Variants in MYOM1 observed in about 807,000 individuals in gnomAD.
The protein encoded by MYOM1 is myomesin-1.
Under a neutral mutation model 205.3 loss-of-function variants are expected in MYOM1, and 164 were observed. That is an observed-to-expected ratio of 0.80 (90% CI 0.70 to 0.91). The LOEUF (loss-of-function observed/expected upper bound fraction) is 0.91. MYOM1 is among the 40% of genes least tolerant of loss of function. The pLI, the probability that MYOM1 is intolerant of heterozygous loss-of-function variation, is 0.00. For synonymous variants in MYOM1, 772 were observed against 789.4 expected, an observed-to-expected ratio of 0.98 and a Z score of 0.37; for missense variants, 2,011 against 2,127.3, an observed-to-expected ratio of 0.95 and a Z score of 1.08.
intron 36 of MYOM1, 67 bp downstream of exon 36, chr18:3,075,387 A>T (rs2079009493): frequency 2.0e-6 from 3 of 1,484,506 alleles, no homozygotes; most frequent in Non-Finnish European, 1.9e-6. Flanking sequence ...TTATAATAGC[A>T]AAATAAAATT....
intron 11 of MYOM1, among the ~76,000 whole-genome samples, chr18:3,154,488 A>G (rs1374071797): frequency 6.6e-6 from 1 of 151,870 alleles, no homozygotes; most frequent in African/African-American, 2.4e-5. Context: ...AGTTCCAAAG[A>G]TGAATTTTGT....
chr18:3,072,370 T>TTTTTTTTTTTTTTG (rs768555182), intron 36 of MYOM1, among the ~76,000 whole-genome samples: 5,177 of 115,522 alleles, frequency 0.045, 662 homozygotes, highest in Non-Finnish European at 0.064. Context: ...TTTTTTTTTT[T>TTTTTTTTTTTTTTG]TGAGGCAGAG....
chr18:3,079,340 C>T lies in MYOM1; in HGVS notation c.4487G>A (p.Gly1496Glu). 1.2e-6 allele frequency: 2 copies of T among 1,603,582 alleles called. No individual in the cohort carries two copies. Among genetic ancestry groups the T allele is most frequent in the Non-Finnish European group, 1.7e-6 (2 of 1,173,008 alleles). Reference protein sequence around the residue: ...EDLKVNWSHNGSAIRYSDRVK... With the variant: ...EDLKVNWSHNESAIRYSDRVK... ...TCTGTCTGAGTACCTAATGGCGGAC[C>T]CACTGTGAAAATCGAAGAAAACTTC... Residue 1496 changes from glycine to glutamate, a missense_variant and splice_region_variant, in exon 34 of 38, where the codon GGG (glycine) becomes GAG (glutamate). Coordinates refer to ENST00000356443, the MANE Select transcript of MYOM1 (RefSeq NM_003803.4).
chr18:3,240,243 G>A, the MYOM1 span, among the ~76,000 whole-genome samples: 6 of 152,074 alleles, frequency 3.9e-5, no homozygotes, highest in South Asian at 2.1e-4. Flanking sequence ...AGGAATCTTT[G>A]TCTTTTAACA....
chr18:3,149,396 T>A (rs2080184464), intron 12 of MYOM1, among the ~76,000 whole-genome samples, 195 bp from the exon 13 acceptor site: 1 of 152,158 alleles, frequency 6.6e-6, no homozygotes, highest in Admixed American at 6.5e-5. Context: ...AAGGGACTCA[T>A]AATCTGCTGG....
At chr18:3,107,188 G>A (rs2079462677) in intron 22 of MYOM1, among the ~76,000 whole-genome samples, 2 of 152,148 alleles carry the variant, frequency 1.3e-5, no homozygotes, top group Admixed American at 6.5e-5. Flanking sequence ...CACGATCTCG[G>A]CTCACTGCAA....
intron 2 of MYOM1, among the ~76,000 whole-genome samples, chr18:3,206,971 T>C (rs2081131027): frequency 6.6e-6 from 1 of 152,132 alleles, no homozygotes; most frequent in Non-Finnish European, 1.5e-5. Flanking sequence ...TCTCTTCATT[T>C]TACTCTTAGC....
intron 10 of MYOM1, among the ~76,000 whole-genome samples, chr18:3,156,998 G>A (rs575516804): frequency 2.6e-5 from 4 of 152,308 alleles, no homozygotes; most frequent in African/African-American, 9.6e-5. Flanking sequence ...TGCAGAGGAG[G>A]TGGGGATGCT....
chr18:3,095,439 G>T (rs753646665), intron 25 of MYOM1, among the ~76,000 whole-genome samples: 2 of 152,080 alleles, frequency 1.3e-5, no homozygotes, highest in African/African-American at 2.4e-5. Context: ...CGTGGTGGTG[G>T]GCGCCTATAT....
In MYOM1 at chr18:3,188,946, C is replaced by T. The variant is rs199937869; in HGVS notation, c.573G>A (p.Thr191=). The change falls in exon 4 of 38, where the codon ACG becomes ACA. Residue 191 remains threonine (T), a synonymous_variant. Coordinates refer to ENST00000356443, the MANE Select transcript of MYOM1 (RefSeq NM_003803.4). ...TGGATGCCGTGGACTGCTTAGATGC[C>T]GTGGTCTGCTTGGATGCCGTGGACT... ...SKQSTASKQT[T]ASKQSTASKQ... is the part of the protein sequence containing the mutation. The T allele has an allele frequency of 2.2e-5, 35 of 1,600,188 alleles. No homozygotes were observed. The highest frequency in any genetic ancestry group is 1.1e-4 in the African/African-American group (8 of 73,884).
At chr18:3,204,562 G>T in intron 2 of MYOM1, among the ~76,000 whole-genome samples, 1 of 151,876 alleles carries the variant, frequency 6.6e-6, no homozygotes, top group East Asian at 1.9e-4. Context: ...ACATTATTAT[G>T]AGAAGTGAAA....
At chr18:3,091,187 G>A (rs970015069) in intron 26 of MYOM1, among the ~76,000 whole-genome samples, 21 of 151,944 alleles carry the variant, frequency 1.4e-4, no homozygotes, top group African/African-American at 4.6e-4. Context: ...GTGGTGGGAT[G>A]CGCCTGTAAT....
intron 30 of MYOM1, among the ~76,000 whole-genome samples, chr18:3,085,511 A>G (rs2079143318): frequency 6.6e-6 from 1 of 152,118 alleles, no homozygotes; most frequent in Non-Finnish European, 1.5e-5. Flanking sequence ...TCACAGATGC[A>G]GAGATGCACC....
At chr18:3,068,324 C>T (rs920643664) in intron 37 of MYOM1, among the ~76,000 whole-genome samples, 1 of 151,714 alleles carries the variant, frequency 6.6e-6, no homozygotes, top group African/African-American at 2.4e-5. Flanking sequence ...GTCTACCCAG[C>T]TTCCCAGTGG....
Position 3,126,822 on chromosome 18 carries a change from G to A in MYOM1, c.2870C>T (p.Pro957Leu). 1 of 1,613,606 alleles carries A rather than the reference G, an allele frequency of 6.2e-7. No homozygotes were observed. Among genetic ancestry groups the A allele is most frequent in the Non-Finnish European group, 8.5e-7 (1 of 1,179,746 alleles). Residue 957 changes from proline (P) to leucine (L), a missense_variant, in exon 19 of 38, where the codon CCA (proline) becomes CTA (leucine). By Grantham distance (98) the Pro-to-Leu change is moderately conservative. Coordinates refer to ENST00000356443, the MANE Select transcript of MYOM1 (RefSeq NM_003803.4). ...RDSMVLGWKQPDKIGGAEITG... is the reference protein window; with the variant it reads ...RDSMVLGWKQLDKIGGAEITG... ...AATTTCTGCCCCTCCAATCTTATCT[G>A]GTTGCTTCCATCCAAGAACCATTGA...
chr18:3,183,884 CAGTGAA>C (rs1249607610), intron 5 of MYOM1, among the ~76,000 whole-genome samples: 12 of 151,662 alleles, frequency 7.9e-5, no homozygotes. Context: ...ATTAGCACTC[CAGTGAA>C]TCATTTTTCG....
intron 33 of MYOM1, among the ~76,000 whole-genome samples, chr18:3,080,263 A>G (rs1313198842): frequency 6.6e-6 from 1 of 152,126 alleles, no homozygotes; most frequent in African/African-American, 2.4e-5. Flanking sequence ...TGGTAAAACT[A>G]TGGATACTAT....
intron 3 of MYOM1, among the ~76,000 whole-genome samples, chr18:3,193,353 T>TACACACAC (rs1216529037): frequency 2.8e-4 from 29 of 103,184 alleles, no homozygotes; most frequent in African/African-American, 8.7e-4. Flanking sequence ...TATACATATA[T>TACACACAC]ATATATATAC....
rs758019001 is a variant in MYOM1, at chr18:3,129,519, C to A, written c.2507G>T (p.Gly836Val). The change falls in exon 18 of 38, where the codon GGG (glycine) becomes GTG (valine). Residue 836 changes from glycine (G) to valine (V), a missense_variant and splice_region_variant. Coordinates refer to ENST00000356443, the MANE Select transcript of MYOM1 (RefSeq NM_003803.4). Reference protein sequence around the residue: ...SEAIEVKAAIGGGVSPDVCPA... With the variant: ...SEAIEVKAAIVGGVSPDVCPA... The stretch of plus-strand genomic sequence containing the variant: ...ACACACATCTGGAGACACTCCTCCC[C>A]CTACAGTTGCCAGACAACAACAGAA... 21 of 1,604,432 alleles carry A rather than the reference C, an allele frequency of 1.3e-5. No homozygotes were observed. In the East Asian group the frequency reaches 3.8e-4, roughly 29 times the overall value.
Sources: gnomAD v4.1 joint callset for allele counts (sites outside exome capture counted in the v4.1 genomes callset) on GRCh38, gnomAD v4.1.1 for gene constraint, MANE v1.5 for transcripts, NCBI Gene and HGNC (gene_info 2026-07-23, HGNC 2026-07-21) for gene names.